CP: variants seen among roughly 807,000 people sequenced by gnomAD.
The protein encoded by CP is ceruloplasmin, also known as caeruloplasmin.
In CP, 64 loss-of-function variants were observed where a neutral mutation model predicts 122.4. That is an observed-to-expected ratio of 0.52 (90% confidence interval 0.43 to 0.64). The LOEUF is 0.64. CP is among the 30% of genes least tolerant of loss of function. The pLI is 0.00. For synonymous variants in CP, 440 were observed against 436.4 expected (o/e 1.01, Z -0.10); for missense variants, 1,167 against 1,284.4 (o/e 0.91, Z 1.40).
chr3:149,214,192 C>T (rs548049607), intron 1 of CP, among the ~76,000 whole-genome samples: 3 of 152,210 alleles, frequency 2.0e-5, no homozygotes, highest in African/African-American at 7.2e-5. Context: ...GTAGAAAACT[C>T]GGTTTCCAGG....
At chr3:149,165,122 A>G (rs1238094181) in intron 5 of CP, among the ~76,000 whole-genome samples, 1 of 152,216 alleles carries the variant, frequency 6.6e-6, no homozygotes, top group Non-Finnish European at 1.5e-5. Context: ...CTATTGTGAT[A>G]CAAAGGCTTC....
chr3:149,214,939 C>A (rs1728367184), intron 1 of CP, among the ~76,000 whole-genome samples: 1 of 152,170 alleles, frequency 6.6e-6, no homozygotes. Context: ...GTCTACAGTA[C>A]AAAGGTACAA....
chr3:149,166,045 A>T (rs765444309), exon 5 of CP: 1 of 456,204 alleles, frequency 2.2e-6, no homozygotes, highest in Non-Finnish European at 4.4e-6. Context: ...TGAGTCTCAG[A>T]AGATGCTGTA....
rs753021289 is a variant in CP, at chr3:149,209,242, G to C, written c.750C>G (p.Asn250Lys). 9.9e-6 allele frequency: 16 copies of C among 1,613,652 alleles called. No individual in the cohort carries two copies. Among genetic ancestry groups the C allele is most frequent in the Non-Finnish European group, 1.4e-5 (16 of 1,179,714 alleles). The part of the protein sequence containing the change: ...CSEPEKVDKD[N>K]EDFQESNRMY... Reference sequence around the variant, plus strand: ...TTCTGTTACTCTCCTGGAAGTCTTCGTTGTCTTTGTCAACTTTCTCTGGTT... The same window carrying C: ...TTCTGTTACTCTCCTGGAAGTCTTCCTTGTCTTTGTCAACTTTCTCTGGTT... Residue 250 changes from asparagine (N) to lysine (K), a missense_variant, in exon 4 of 19, where the codon AAC (asparagine) becomes AAG (lysine). Coordinates refer to ENST00000264613, the MANE Select transcript of CP (RefSeq NM_000096.4).
At chr3:149,176,631 T>G (rs1237569507) in intron 17 of CP, 1 of 517,934 alleles carries the variant, frequency 1.9e-6, no homozygotes, top group African/African-American at 1.9e-5. Flanking sequence ...AAAGATGTGA[T>G]GAGAATGAAT....
chr3:149,167,792 T>C, downstream of CP: 1 of 763,578 alleles, frequency 1.3e-6, no homozygotes, highest in Non-Finnish European at 2.4e-6. Flanking sequence ...CAAAATGATG[T>C]ATTTTTGCTC....
At chr3:149,179,098 C>G (rs1045396281) in intron 15 of CP, among the ~76,000 whole-genome samples, 1 of 152,192 alleles carries the variant, frequency 6.6e-6, no homozygotes, top group Non-Finnish European at 1.5e-5. Flanking sequence ...CCCCGGCTCA[C>G]TCAGGCACTT....
At chr3:149,211,221 A>G (rs1158559193) in intron 2 of CP, among the ~76,000 whole-genome samples, 2 of 152,236 alleles carry the variant, frequency 1.3e-5, no homozygotes, top group Non-Finnish European at 2.9e-5. Context: ...TCTAATTTTA[A>G]ATTAATTTCC....
In CP at chr3:149,202,232, CG is replaced by C; in HGVS notation, c.1217del (p.Ala406GlyfsTer58). 6.2e-7 allele frequency: 1 copy of C among 1,614,108 alleles called. No individual in the cohort carries two copies. The highest frequency in any genetic ancestry group is 8.5e-7 in the Non-Finnish European group (1 of 1,180,016). On this transcript the variant is annotated frameshift_variant, in exon 7 of 19. Transcript: ENST00000264613. LOFTEE classifies it high-confidence loss of function. ...ENLTAPGSDS[A>X]VFFEQGTTRI... Reference sequence around the variant, plus strand: ...TTGTGGTACCTTGTTCAAAAAACACCGCTGAGTCACTGCAGGGGGAAAAAAG... The same window carrying C: ...TTGTGGTACCTTGTTCAAAAAACACCCTGAGTCACTGCAGGGGGAAAAAAG...
intron 9 of CP, among the ~76,000 whole-genome samples, chr3:149,191,436 G>A (rs1368230394): frequency 6.6e-6 from 1 of 151,942 alleles, no homozygotes; most frequent in Non-Finnish European, 1.5e-5. Flanking sequence ...AGCACAGGAT[G>A]TTTTTGGAGC....
rs148555767 is a variant in CP at position 149,196,333 on chromosome 3, A to G, written c.1713+2034T>C. 3.6e-3 allele frequency among the ~76,000 whole-genome samples: 548 copies of G among 152,328 alleles called. 2 individuals are homozygous for G. Among genetic ancestry groups the G allele is most frequent in the African/African-American group, 0.012 (515 of 41,558 alleles). ...GTAGACTCAAATTTGAATAGAAAGTATAAGTATGAAATCATGATGAATTTA... is the reference window on the plus strand; with the variant it reads ...GTAGACTCAAATTTGAATAGAAAGTGTAAGTATGAAATCATGATGAATTTA... On this transcript the variant is annotated intron_variant, in intron 9 of 18. Transcript: ENST00000264613.
chr3:149,170,459 A>G (rs1049085202), downstream of CP: 2 of 152,184 alleles, frequency 1.3e-5, no homozygotes, highest in African/African-American at 4.8e-5. Flanking sequence ...GATGTGCATC[A>G]TTGTATTTTA....
intron 4 of CP, among the ~76,000 whole-genome samples, chr3:149,208,136 G>A (rs1727867267): frequency 6.6e-6 from 1 of 151,972 alleles, no homozygotes; most frequent in South Asian, 2.1e-4. Context: ...AAGATTGGAA[G>A]AGATATGAAG....
At position 149,183,524 on chromosome 3, in the gene CP, A is replaced by G. The variant is rs1725922755; in HGVS notation, c.2367T>C (p.Asp789=). 1 of 1,611,706 alleles carries G rather than the reference A, an allele frequency of 6.2e-7. No individual in the cohort carries two copies. Among genetic ancestry groups the G allele is most frequent in the Admixed American group, 1.7e-5 (1 of 60,008 alleles). ...TCTCCACTGGAACACGGAATGTGCT[A>G]TCAGTATACTGCCGATACACAACTT... The part of the protein sequence containing the change: ...YKKVVYRQYT[D]STFRVPVERK... Residue 789 remains aspartate (D), a synonymous_variant, in exon 13 of 19, where the codon GAT becomes GAC. Transcript: ENST00000264613.
intron 11 of CP, 76 bp downstream of exon 11, chr3:149,186,444 A>G: frequency 7.2e-7 from 1 of 1,385,318 alleles, no homozygotes; most frequent in Non-Finnish European, 1.0e-6. Flanking sequence ...TTATCACCCA[A>G]CACATTCTGC....
At chr3:149,202,856 G>T (rs546931685) in intron 6 of CP, among the ~76,000 whole-genome samples, 2 of 144,894 alleles carry the variant, frequency 1.4e-5, no homozygotes, top group African/African-American at 5.2e-5. Context: ...TGATCTGCCC[G>T]CCTCGGCCTC....
chr3:149,206,708 G>A (rs34817492), intron 5 of CP, among the ~76,000 whole-genome samples: 18 of 152,180 alleles, frequency 1.2e-4, no homozygotes, highest in Middle Eastern at 3.4e-3. Context: ...GGTGGAGGAG[G>A]AGGTACAAGG....
Position 149,173,736 on chromosome 3 carries a change from G to A in CP, c.3182-6C>T, listed in dbSNP as rs1466648274. 1.4e-6 allele frequency: 2 copies of A among 1,410,384 alleles called. No individual in the cohort carries two copies. The highest frequency in any genetic ancestry group is 2.0e-6 in the Non-Finnish European group (2 of 1,018,780). 87.4% of individuals were successfully genotyped at this position (1,410,384 alleles called of 1,614,324 possible). On this transcript the variant is annotated splice_polypyrimidine_tract_variant and splice_region_variant and intron_variant, in intron 18 of 18. Coordinates refer to ENST00000264613, the MANE Select transcript of CP (RefSeq NM_000096.4). ...CATTCAGCCAGATTTGGTGTCTATA[G>A]AAAAAGAAATTTTAAGACCATTATT...
At chr3:149,216,591 G>A (rs1268399981) in intron 1 of CP, among the ~76,000 whole-genome samples, 1 of 152,128 alleles carries the variant, frequency 6.6e-6, no homozygotes, top group Non-Finnish European at 1.5e-5. Context: ...TGGAAATGCT[G>A]CCTACCATAA....
Sources: gnomAD v4.1 joint callset for allele counts (sites outside exome capture counted in the v4.1 genomes callset) on GRCh38, gnomAD v4.1.1 for gene constraint, MANE v1.5 for transcripts, NCBI Gene and HGNC (gene_info 2026-07-23, HGNC 2026-07-21) for gene names.